Variants in CACNA1G observed in about 807,000 individuals in gnomAD.
CACNA1G encodes calcium voltage-gated channel subunit alpha1 G, also known as voltage-dependent T-type calcium channel subunit alpha-1G.
In CACNA1G, 67 loss-of-function variants were observed where a neutral mutation model predicts 219.4. The ratio of observed to expected loss-of-function variants is 0.31; its 90% CI spans 0.25 to 0.37. CACNA1G has a LOEUF of 0.37. Among genes scored for constraint, CACNA1G ranks in the 10% least tolerant of loss-of-function variants. CACNA1G has a pLI of 1.00. For synonymous variants in CACNA1G, 1,296 were observed against 1,345.3 expected, an observed-to-expected ratio of 0.96 and a Z score of 0.80; for missense variants, 2,380 against 3,231.4, an observed-to-expected ratio of 0.74 and a Z score of 6.39.
At position 50,618,204 on chromosome 17, in the gene CACNA1G, C is replaced by G. The variant is rs745827332; in HGVS notation, c.5306-18C>G. 20 of 1,613,094 alleles carry G rather than the reference C, an allele frequency of 1.2e-5. No homozygotes were observed. In the South Asian group the frequency reaches 1.8e-4, roughly 14 times the overall value. On this transcript the variant is annotated intron_variant, in intron 31 of 37. Coordinates refer to ENST00000359106, the MANE Select transcript of CACNA1G (RefSeq NM_018896.5). This position sits in a 1 kb window ranked among gnomAD's most constrained non-coding sequence, Gnocchi z 5.3. ...CCTGGACTAACATGGGCCTCTCCCC[C>G]TTTCCCTCCTCCCCCAGAGTGTGAC... is the stretch of plus-strand genomic sequence containing the variant.
At chr17:50,620,457 C>CGCCA (rs1022788592) in intron 34 of CACNA1G, among the ~76,000 whole-genome samples, 4 of 152,204 alleles carry the variant, frequency 2.6e-5, no homozygotes, top group African/African-American at 9.7e-5. Context: ...CTTCCCACAG[C>CGCCA]GCCACATGGC....
At chr17:50,606,157 C>A (rs183551632) in intron 23 of CACNA1G, 134 bp downstream of exon 23, 1 of 1,263,634 alleles carries the variant, frequency 7.9e-7, no homozygotes, top group Non-Finnish European at 1.2e-6. Flanking sequence ...CCTCTGCTGT[C>A]TAACCACCAG....
intron 9 of CACNA1G, among the ~76,000 whole-genome samples, chr17:50,587,440 G>C (rs2043215611): frequency 6.6e-6 from 1 of 152,214 alleles, no homozygotes; most frequent in African/African-American, 2.4e-5. Flanking sequence ...CGTAATTACA[G>C]CTCTGGTCCC....
chr17:50,605,083 C>T (rs566184426), intron 22 of CACNA1G, among the ~76,000 whole-genome samples: 1 of 152,250 alleles, frequency 6.6e-6, no homozygotes, highest in Non-Finnish European at 1.5e-5. Flanking sequence ...TGGTGCCTCT[C>T]TGTACACCCT....
intron 7 of CACNA1G, chr17:50,573,685 T>C (rs980650446): frequency 2.0e-5 from 3 of 152,390 alleles, no homozygotes; most frequent in African/African-American, 7.2e-5. Flanking sequence ...TTCTGATCAG[T>C]GATCAATTGG....
At chr17:50,575,053 G>A (rs2040344510) in intron 7 of CACNA1G, among the ~76,000 whole-genome samples, 1 of 152,222 alleles carries the variant, frequency 6.6e-6, no homozygotes, top group African/African-American at 2.4e-5. Flanking sequence ...GGGGCTAGAA[G>A]CAGGAGTCTT....
chr17:50,599,410 T>TCCCCTGCTCACC lies in CACNA1G; in HGVS notation c.3259-16_3259-5dup. 1 of 1,523,528 alleles carries TCCCCTGCTCACC rather than the reference T, an allele frequency of 6.6e-7. No individual in the cohort carries two copies. Among genetic ancestry groups the TCCCCTGCTCACC allele is most frequent in the Non-Finnish European group, 8.8e-7 (1 of 1,135,610 alleles). The allele number at this position is 1,523,528 out of a possible 1,614,324, so 94.4% of individuals were successfully genotyped here. A position where few individuals can be genotyped will look rare whatever the true frequency, so the allele number is the denominator to read the frequency against. On this transcript the variant is annotated splice_polypyrimidine_tract_variant and intron_variant, in intron 16 of 37. Coordinates refer to ENST00000359106, the MANE Select transcript of CACNA1G (RefSeq NM_018896.5). ...GCTGGGCCCTGCCTGAGACCACTCC[T>TCCCCTGCTCACC]CCCCTGCTCACCCACAGCCCAGCGC...
In CACNA1G at chr17:50,604,331, C is replaced by G. The variant is rs199790957; in HGVS notation, c.4296+50C>G. 60 of 1,599,112 alleles carry G rather than the reference C, an allele frequency of 3.8e-5. No individual in the cohort carries two copies. The African/African-American group carries it at 7.2e-4, about 19-fold the overall frequency. ...TGTGGGTGAAAGCCTGAAGAGGGCC[C>G]TTCCCCTTGGCCCCTGGGTCCTATG... is the stretch of plus-strand genomic sequence containing the variant. On this transcript the variant is annotated intron_variant, in intron 22 of 37. Coordinates refer to ENST00000359106, the MANE Select transcript of CACNA1G (RefSeq NM_018896.5).
Position 50,590,539 on chromosome 17 carries a change from G to C in CACNA1G, c.2370G>C (p.Met790Ile). 1 of 1,613,992 alleles carries C rather than the reference G, an allele frequency of 6.2e-7. No individual in the cohort carries two copies. The highest frequency in any genetic ancestry group is 8.5e-7 in the Non-Finnish European group (1 of 1,179,866). Residue 790 changes from methionine (M) to isoleucine (I), a missense_variant, in exon 10 of 38, where the codon ATG becomes ATC. By Grantham distance (10) the Met-to-Ile change is conservative. Transcript: ENST00000359106. ...IVFTSLFALE[M>I]LLKLLVYGPF... Reference sequence around the variant, plus strand: ...TCACCAGCCTCTTTGCCCTGGAGATGCTGCTGAAGCTGCTTGTGTATGGTC... The same window carrying C: ...TCACCAGCCTCTTTGCCCTGGAGATCCTGCTGAAGCTGCTTGTGTATGGTC...
Position 50,596,169 on chromosome 17 carries a change from C to A in CACNA1G, c.2980-393C>A, listed in dbSNP as rs1415917843. 6.6e-6 allele frequency among the ~76,000 whole-genome samples: 1 copy of A among 152,160 alleles called. No individual in the cohort carries two copies. The highest frequency in any genetic ancestry group is 1.5e-5 in the Non-Finnish European group (1 of 68,032). Reference sequence around the variant, plus strand: ...GAGCCGTGGAGAGAAAGCAAAGGGCCTCCAGTGAACTTTTGCAAGAGAGGC... The same window carrying A: ...GAGCCGTGGAGAGAAAGCAAAGGGCATCCAGTGAACTTTTGCAAGAGAGGC... On this transcript the variant is annotated intron_variant, in intron 14 of 37. Transcript: ENST00000359106. This position sits in a 1 kb window ranked among gnomAD's most constrained non-coding sequence, Gnocchi z 4.8.
rs771980095 is a variant in CACNA1G, at chr17:50,627,255, A to G, written c.*504A>G. ...GGACCGCGAGCACATTGCAGCCCCA[A>G]CGGTGGCCCATCTTCAGCGGAGAGC... On this transcript the variant is annotated 3_prime_UTR_variant, in exon 38 of 38. Transcript: ENST00000359106. 9 of 454,022 alleles carry G rather than the reference A, an allele frequency of 2.0e-5. No homozygotes were observed. Among genetic ancestry groups the G allele is most frequent in the East Asian group, 6.9e-5 (1 of 14,402 alleles). 28.1% of individuals were successfully genotyped at this position (454,022 alleles called of 1,614,324 possible).
chr17:50,571,871 C>T lies in CACNA1G; in HGVS notation c.587-7C>T. On this transcript the variant is annotated splice_region_variant and splice_polypyrimidine_tract_variant and intron_variant, in intron 4 of 37. Coordinates refer to ENST00000359106, the MANE Select transcript of CACNA1G (RefSeq NM_018896.5). This position sits in a 1 kb window ranked among gnomAD's most constrained non-coding sequence, Gnocchi z 4.3. ...TGGTGTCCCCAGCGTGGCTTCTGCCCCCACAGGCATGCGCATCCTTGTCAC... is the reference window on the plus strand; with the variant it reads ...TGGTGTCCCCAGCGTGGCTTCTGCCTCCACAGGCATGCGCATCCTTGTCAC... 11 of 1,613,320 alleles carry T rather than the reference C, an allele frequency of 6.8e-6. No individual in the cohort carries two copies. In the African/African-American group the frequency reaches 1.1e-4, roughly 16 times the overall value.
chr17:50,595,107 C>T (rs1351745656), intron 14 of CACNA1G, 46 bp downstream of exon 14: 14 of 1,429,280 alleles, frequency 9.8e-6, no homozygotes, highest in East Asian at 2.5e-5. Context: ...GCCCCATGCC[C>T]GTGCCCCTCC....
At chr17:50,610,474 C>T (rs1242422154) in intron 26 of CACNA1G, among the ~76,000 whole-genome samples, 1 of 152,146 alleles carries the variant, frequency 6.6e-6, no homozygotes, top group Non-Finnish European at 1.5e-5. Flanking sequence ...CGAGCTTCTT[C>T]CAAAAAAAGC....
intron 9 of CACNA1G, among the ~76,000 whole-genome samples, chr17:50,589,894 T>TCTCTCTCTCTCTCTC (rs1555655436): frequency 2.9e-5 from 4 of 138,926 alleles, no homozygotes; most frequent in African/African-American, 1.1e-4. Context: ...GCGTGCATTT[T>TCTCTCTCTCTCTCTC]TCTCTCTCTC....
Position 50,578,698 on chromosome 17 carries a change from G to A in CACNA1G, c.2301+134G>A. The A allele has an allele frequency of 1.1e-6, 1 of 869,932 alleles. No individual in the cohort carries two copies. Among genetic ancestry groups the A allele is most frequent in the Non-Finnish European group, 1.7e-6 (1 of 587,344 alleles). 53.9% of individuals were successfully genotyped at this position (869,932 alleles called of 1,614,324 possible). The stretch of plus-strand genomic sequence containing the variant: ...CTGCTAGCCCACCTGGCAGGTAGGA[G>A]GGGAGGTGGGTGATGGAGCAATGCA... On this transcript the variant is annotated intron_variant, in intron 9 of 37. Transcript: ENST00000359106. This position sits in a 1 kb window ranked among gnomAD's most constrained non-coding sequence, Gnocchi z 4.5.
chr17:50,587,112 T>C (rs2043140447), intron 9 of CACNA1G, among the ~76,000 whole-genome samples: 1 of 152,126 alleles, frequency 6.6e-6, no homozygotes, highest in South Asian at 2.1e-4. Flanking sequence ...GGCTCCAGCC[T>C]GATGAGTTTG....
intron 8 of CACNA1G, among the ~76,000 whole-genome samples, chr17:50,577,907 A>T (rs956125571): frequency 6.6e-6 from 1 of 151,960 alleles, no homozygotes; most frequent in Non-Finnish European, 1.5e-5. Flanking sequence ...GGCACCTAGG[A>T]TATAGGAGCT....
chr17:50,599,777 C>G lies in CACNA1G; in HGVS notation c.3608C>G (p.Ser1203Trp). Residue 1203 changes from serine to tryptophan, a missense_variant, in exon 17 of 38, where the codon TCG (serine) becomes TGG (tryptophan). Physicochemically the swap from Ser to Trp is radical, Grantham distance 177 (BLOSUM62 -3). Transcript: ENST00000359106. Reference sequence around the variant, plus strand: ...GAGCACCAGGACTGCAATGGCAAGTCGGCTTCAGGGCGCCTGGCCCGGGCC... The same window carrying G: ...GAGCACCAGGACTGCAATGGCAAGTGGGCTTCAGGGCGCCTGGCCCGGGCC... ...ASEHQDCNGK[S>W]ASGRLARALR... 6.2e-7 allele frequency: 1 copy of G among 1,613,366 alleles called. No homozygotes were observed. Among genetic ancestry groups the G allele is most frequent in the Non-Finnish European group, 8.5e-7 (1 of 1,179,856 alleles).
Sources: allele counts gnomAD v4.1 joint callset (sites outside exome capture counted in the v4.1 genomes callset), GRCh38; gene constraint gnomAD v4.1.1; non-coding constraint Gnocchi (gnomAD v3.1); transcripts MANE v1.5; gene names NCBI Gene and HGNC (gene_info 2026-07-23, HGNC 2026-07-21).